Variants in SH3RF1 observed in about 807,000 individuals in gnomAD.
SH3RF1 encodes the protein SH3 domain containing ring finger 1, also known as E3 ubiquitin-protein ligase SH3RF1.
Under a neutral mutation model 74.0 loss-of-function variants are expected in SH3RF1, and 32 were observed. That is an observed-to-expected ratio of 0.43 (90% CI 0.33 to 0.58). The LOEUF (loss-of-function observed/expected upper bound fraction) is 0.58, where lower values mean the gene tolerates loss of function less well. Ranked by LOEUF, SH3RF1 falls within the 20% of genes least tolerant of loss-of-function variation. The pLI, the probability that SH3RF1 is intolerant of heterozygous loss-of-function variation, is 0.05. For missense variants in SH3RF1, 954 were observed against 1,130.9 expected (o/e 0.84, Z 2.24); for synonymous variants, 396 against 439.6 (o/e 0.90, Z 1.24).
intron 2 of SH3RF1, among the ~76,000 whole-genome samples, chr4:169,240,070 A>C (rs1730881113): frequency 6.6e-6 from 1 of 152,176 alleles, no homozygotes; most frequent in South Asian, 2.1e-4. Context: ...ACAAAGCACA[A>C]ACACTCCAAC....
Position 169,116,631 on chromosome 4 carries a change from C to T in SH3RF1, c.1778-1G>A, listed in dbSNP as rs546437520. The T allele has an allele frequency of 6.5e-7, 1 of 1,528,210 alleles. No homozygotes were observed. Among genetic ancestry groups the T allele is most frequent in the African/African-American group, 1.4e-5 (1 of 72,946 alleles). The allele number at this position is 1,528,210 out of a possible 1,614,324, so 94.7% of individuals were successfully genotyped here. A position where few individuals can be genotyped will look rare whatever the true frequency, so the allele number is the denominator to read the frequency against. Reference sequence around the variant, plus strand: ...GGGCGTTCCTGGTTGTGCGCTGCAACTAGTAGATGGGAAGAGGGAACACAG... The same window carrying T: ...GGGCGTTCCTGGTTGTGCGCTGCAATTAGTAGATGGGAAGAGGGAACACAG... On this transcript the variant is annotated splice_acceptor_variant, in intron 9 of 11. Transcript: ENST00000284637. LOFTEE classifies it high-confidence loss of function.
At chr4:169,218,336 G>A (rs1445042031) in intron 2 of SH3RF1, among the ~76,000 whole-genome samples, 1 of 136,522 alleles carries the variant, frequency 7.3e-6, no homozygotes, top group African/African-American at 2.7e-5. Flanking sequence ...ACAGATTATA[G>A]AATATAGAAT....
chr4:169,098,172 C>G (rs936931155), intron 11 of SH3RF1, among the ~76,000 whole-genome samples: 1 of 152,282 alleles, frequency 6.6e-6, no homozygotes, highest in East Asian at 1.9e-4. Context: ...GACTTTTGGG[C>G]GTAACTGGTT....
intron 2 of SH3RF1, among the ~76,000 whole-genome samples, chr4:169,209,970 G>GT (rs1267377259): frequency 6.6e-6 from 1 of 151,666 alleles, no homozygotes; most frequent in Non-Finnish European, 1.5e-5. Context: ...TTGTATTTGT[G>GT]TTTTTTTGTA....
chr4:169,245,478 G>T (rs1424937367), intron 2 of SH3RF1, among the ~76,000 whole-genome samples: 1 of 152,038 alleles, frequency 6.6e-6, no homozygotes, highest in East Asian at 1.9e-4. Context: ...ACTATATTTT[G>T]ATAGCACACA....
At chr4:169,127,855 C>T (rs1334656391) in intron 6 of SH3RF1, among the ~76,000 whole-genome samples, 1 of 152,208 alleles carries the variant, frequency 6.6e-6, no homozygotes, top group Non-Finnish European at 1.5e-5. Context: ...TTTCCCACTA[C>T]AGGTTGAATA....
At chr4:169,193,076 C>T (rs1734754886) in intron 2 of SH3RF1, among the ~76,000 whole-genome samples, 1 of 151,896 alleles carries the variant, frequency 6.6e-6, no homozygotes, top group African/African-American at 2.4e-5. Context: ...TAAGTGGGAG[C>T]TAAGCTATGA....
intron 2 of SH3RF1, among the ~76,000 whole-genome samples, chr4:169,188,207 C>T (rs116827644): frequency 0.024 from 3,641 of 152,270 alleles, 80 homozygotes; most frequent in Non-Finnish European, 0.038. Context: ...TAATTTGTTA[C>T]AGCACCCCTA....
intron 2 of SH3RF1, among the ~76,000 whole-genome samples, chr4:169,252,612 A>T (rs1731124193): frequency 6.6e-6 from 1 of 152,220 alleles, no homozygotes; most frequent in Non-Finnish European, 1.5e-5. Flanking sequence ...ACTGTGAATC[A>T]ATTTTTGCCT....
intron 4 of SH3RF1, among the ~76,000 whole-genome samples, chr4:169,147,375 C>T (rs1733911480): frequency 1.3e-5 from 2 of 152,176 alleles, no homozygotes; most frequent in Admixed American, 6.5e-5. Flanking sequence ...TGAAATGACA[C>T]ACTGACAGAA....
chr4:169,134,048 G>A (rs1733659681), intron 5 of SH3RF1, among the ~76,000 whole-genome samples: 4 of 152,120 alleles, frequency 2.6e-5, no homozygotes, highest in Admixed American at 2.0e-4. Context: ...ATTGTGGCCT[G>A]GGGTGCCCTC....
At chr4:169,266,117 C>G (rs1171293716) in intron 2 of SH3RF1, among the ~76,000 whole-genome samples, 1 of 152,166 alleles carries the variant, frequency 6.6e-6, no homozygotes, top group African/African-American at 2.4e-5. Flanking sequence ...CCCACACTCT[C>G]CTTTTCTCCT....
intron 2 of SH3RF1, among the ~76,000 whole-genome samples, chr4:169,157,595 G>A (rs996684137): frequency 3.9e-5 from 6 of 152,088 alleles, no homozygotes; most frequent in African/African-American, 1.2e-4. Context: ...CTCTCTGAGC[G>A]CTGTTGCATA....
intron 2 of SH3RF1, among the ~76,000 whole-genome samples, chr4:169,169,212 A>G (rs1159616730): frequency 6.6e-6 from 1 of 152,242 alleles, no homozygotes; most frequent in African/African-American, 2.4e-5. Context: ...TTACTTTGAA[A>G]TAAACTTATT....
At chr4:169,102,111 A>G (rs1473435017) in intron 11 of SH3RF1, among the ~76,000 whole-genome samples, 1 of 151,920 alleles carries the variant, frequency 6.6e-6, no homozygotes, top group East Asian at 1.9e-4. Flanking sequence ...TCAGTTCATC[A>G]CTCTGACCTG....
rs1327401367 is a variant in SH3RF1, at chr4:169,268,832, G to A, written c.381C>T (p.Ser127=). The A allele has an allele frequency of 1.0e-5, 16 of 1,595,528 alleles. No homozygotes were observed. The highest frequency in any genetic ancestry group is 1.3e-5 in the African/African-American group (1 of 74,304). ...GGQQPRVQSW[S]PPVRGIPQLP... is the part of the protein sequence containing the mutation. ...GTAGGCTACTTACCCTCACTGGGGG[G>A]CTCCAGGATTGCACCCGAGGCTGCT... The change falls in exon 2 of 12, where the codon AGC becomes AGT. Residue 127 remains serine (S), a synonymous_variant. Transcript: ENST00000284637.
At chr4:169,246,171 G>A (rs903131878) in intron 2 of SH3RF1, among the ~76,000 whole-genome samples, 13 of 152,108 alleles carry the variant, frequency 8.5e-5, no homozygotes, top group South Asian at 8.3e-4. Context: ...GTGTTACTTC[G>A]TCAAGTTTTA....
At chr4:169,166,300 T>C (rs1055398051) in intron 2 of SH3RF1, 1 of 153,240 alleles carries the variant, frequency 6.5e-6, no homozygotes, top group Non-Finnish European at 1.5e-5. Context: ...AGAAGCTGGA[T>C]ACTAAAGAGA....
intron 6 of SH3RF1, 76 bp from the exon 7 acceptor site, chr4:169,122,342 G>T: frequency 6.9e-7 from 1 of 1,445,000 alleles, no homozygotes; most frequent in Non-Finnish European, 9.3e-7. Flanking sequence ...ATGGAAGGTG[G>T]GAGAGAAAAA....
Sources: gnomAD v4.1 joint callset for allele counts (sites outside exome capture counted in the v4.1 genomes callset) on GRCh38, gnomAD v4.1.1 for gene constraint, MANE v1.5 for transcripts, NCBI Gene and HGNC (gene_info 2026-07-23, HGNC 2026-07-21) for gene names.